Variants in GRID1 observed in about 807,000 individuals in gnomAD.
The protein encoded by GRID1 is glutamate receptor ionotropic, delta-1.
GRID1 carries 28 observed loss-of-function variants against 98.0 expected under a neutral mutation model. That is an observed-to-expected ratio of 0.29 (90% confidence interval 0.21 to 0.39). The LOEUF (loss-of-function observed/expected upper bound fraction) is 0.39, where lower values mean the gene tolerates loss of function less well. Among genes scored for constraint, GRID1 ranks in the 10% least tolerant of loss-of-function variants. The pLI is 1.00. For synonymous variants in GRID1, 553 were observed against 538.5 expected, an observed-to-expected ratio of 1.03 and a Z score of -0.37; for missense variants, 1,111 against 1,340.5, an observed-to-expected ratio of 0.83 and a Z score of 2.67.
intron 4 of GRID1, among the ~76,000 whole-genome samples, chr10:85,959,417 G>T (rs570334717): frequency 2.0e-5 from 3 of 152,188 alleles, no homozygotes; most frequent in Non-Finnish European, 4.4e-5. Context: ...TCTGCCTTGA[G>T]ATGTTCAGGG....
chr10:85,809,477 T>C (rs1378391772), intron 8 of GRID1, among the ~76,000 whole-genome samples: 1 of 152,106 alleles, frequency 6.6e-6, no homozygotes, highest in Non-Finnish European at 1.5e-5. Flanking sequence ...GAGAAAATTT[T>C]AAAAGCAGCT....
intron 3 of GRID1, among the ~76,000 whole-genome samples, chr10:86,194,845 G>A (rs12411971): frequency 0.084 from 12,799 of 151,820 alleles, 708 homozygotes; most frequent in Admixed American, 0.12. Context: ...GCTCTGCTAC[G>A]GCTCTATGGT....
chr10:85,699,032 T>C (rs1422107747), intron 12 of GRID1, among the ~76,000 whole-genome samples: 2 of 152,026 alleles, frequency 1.3e-5, no homozygotes, highest in Non-Finnish European at 2.9e-5. Flanking sequence ...TTGTTTGTTT[T>C]GGGGTTTTGT....
At chr10:86,128,626 G>A (rs1057003867) in intron 4 of GRID1, among the ~76,000 whole-genome samples, 8 of 152,092 alleles carry the variant, frequency 5.3e-5, no homozygotes, top group East Asian at 1.9e-4. Context: ...GCCTGGTAAC[G>A]GCCCACCAAC....
chr10:85,729,526 A>C lies in GRID1; in HGVS notation c.1322T>G (p.Val441Gly), dbSNP rs1241277438. 1.2e-6 allele frequency: 2 copies of C among 1,604,226 alleles called. No individual in the cohort carries two copies. Among genetic ancestry groups the C allele is most frequent in the Non-Finnish European group, 1.7e-6 (2 of 1,171,478 alleles). Residue 441 changes from valine (V) to glycine (G), a missense_variant, in exon 9 of 16, where the codon GTG becomes GGG. Transcript: ENST00000327946. ...GSRLQGLTLKVVTVLEEPFVM... is the reference protein window; with the variant it reads ...GSRLQGLTLKGVTVLEEPFVM... ...CCATGATCCTACCAAGACAGTCACC[A>C]CTTTAAGAGTCAATCCTTGGAGGCG... is the stretch of plus-strand genomic sequence containing the variant.
chr10:86,082,736 C>T (rs890441044), intron 4 of GRID1, among the ~76,000 whole-genome samples: 11 of 152,204 alleles, frequency 7.2e-5, no homozygotes, highest in Admixed American at 2.0e-4. Context: ...CCCCACCCTA[C>T]GCCTCCCTCT....
At chr10:86,260,817 A>C (rs1180938489) in intron 2 of GRID1, among the ~76,000 whole-genome samples, 6 of 152,196 alleles carry the variant, frequency 3.9e-5, no homozygotes, top group South Asian at 2.1e-4. Flanking sequence ...ACCAGCACAC[A>C]CATGCCAAGC....
chr10:85,607,004 G>C (rs1842675273), intron 15 of GRID1: 1 of 152,102 alleles, frequency 6.6e-6, no homozygotes, highest in Admixed American at 6.5e-5. Flanking sequence ...AAACATCCCT[G>C]AATATGATAT....
rs1466533851 is a variant in GRID1, at chr10:85,950,539, C to T, written c.727-34300G>A. ...CTCTGAGAATCCAAGCCTGACCAGA[C>T]TGTGATCAATGGTCTTGTCAAGGAG... On this transcript the variant is annotated intron_variant, in intron 4 of 15. Coordinates refer to ENST00000327946, the MANE Select transcript of GRID1 (RefSeq NM_017551.3). Among the ~76,000 whole-genome samples, 3 of 152,182 alleles carry T rather than the reference C, an allele frequency of 2.0e-5. No homozygotes were observed. The East Asian group carries it at 5.8e-4, about 29-fold the overall frequency.
intron 10 of GRID1, 45 bp downstream of exon 10, chr10:85,727,810 G>T (rs372052551): frequency 3.6e-5 from 52 of 1,432,698 alleles, no homozygotes; most frequent in Non-Finnish European, 4.7e-5. Flanking sequence ...TACCCCAGAG[G>T]AAGACTAGGG....
At chr10:85,973,801 C>A (rs1033434045) in intron 4 of GRID1, among the ~76,000 whole-genome samples, 16 of 152,162 alleles carry the variant, frequency 1.1e-4, no homozygotes, top group African/African-American at 3.9e-4. Context: ...GATTATTCAT[C>A]TCTTATTTCT....
rs551253070 is a variant in GRID1 at position 85,782,716 on chromosome 10, G to A, written c.1234-53102C>T. ...CCCTGACGTAGATGCATGCCTGGTG[G>A]GCATAAAATGAGTGCAATACTGCCA... On this transcript the variant is annotated intron_variant, in intron 8 of 15. Coordinates refer to ENST00000327946, the MANE Select transcript of GRID1 (RefSeq NM_017551.3). Among the ~76,000 whole-genome samples the A allele has an allele frequency of 3.3e-5, 5 of 152,348 alleles. No individual in the cohort carries two copies. In the East Asian group the frequency reaches 9.6e-4, roughly 29 times the overall value.
chr10:86,211,967 C>G (rs1252230253), intron 2 of GRID1, among the ~76,000 whole-genome samples: 1 of 152,174 alleles, frequency 6.6e-6, no homozygotes, highest in East Asian at 1.9e-4. Flanking sequence ...AGGCCTGTCT[C>G]CCCTGAAAGC....
chr10:86,275,954 G>A (rs1249986476), intron 2 of GRID1, among the ~76,000 whole-genome samples: 2 of 152,186 alleles, frequency 1.3e-5, no homozygotes, highest in Non-Finnish European at 2.9e-5. Flanking sequence ...GATAAACTCA[G>A]AGACCCATAC....
intron 2 of GRID1, among the ~76,000 whole-genome samples, chr10:86,328,657 C>A (rs1337269493): frequency 1.3e-5 from 2 of 152,198 alleles, no homozygotes; most frequent in African/African-American, 4.8e-5. Flanking sequence ...GGCTGGTGCC[C>A]CACTCTCCAT....
At chr10:86,168,289 C>G (rs973495988) in intron 3 of GRID1, among the ~76,000 whole-genome samples, 4 of 152,210 alleles carry the variant, frequency 2.6e-5, no homozygotes, top group Non-Finnish European at 5.9e-5. Context: ...TCAGTTTCTA[C>G]TGAAAAATAG....
chr10:85,961,599 C>T (rs1842268193), intron 4 of GRID1, among the ~76,000 whole-genome samples: 2 of 151,206 alleles, frequency 1.3e-5, no homozygotes, highest in South Asian at 4.2e-4. Flanking sequence ...TTCTCTCCCT[C>T]CTTCTTTCAT....
intron 5 of GRID1, among the ~76,000 whole-genome samples, chr10:85,895,623 T>C (rs1168722651): frequency 1.3e-5 from 2 of 152,184 alleles, no homozygotes; most frequent in African/African-American, 4.8e-5. Flanking sequence ...CCCAGTACTG[T>C]GTGGTGTGAG....
intron 13 of GRID1, among the ~76,000 whole-genome samples, chr10:85,623,381 C>T (rs897061988): frequency 6.6e-6 from 1 of 152,176 alleles, no homozygotes; most frequent in African/African-American, 2.4e-5. Flanking sequence ...CTTCTTGTTT[C>T]CTTGCAGAAT....
Sources: gnomAD v4.1 joint callset for allele counts (sites outside exome capture counted in the v4.1 genomes callset) on GRCh38, gnomAD v4.1.1 for gene constraint, MANE v1.5 for transcripts, NCBI Gene and HGNC (gene_info 2026-07-23, HGNC 2026-07-21) for gene names.